Variants in CFAP299 observed in about 807,000 individuals in gnomAD.
The protein encoded by CFAP299 is cilia- and flagella-associated protein 299.
CFAP299 carries 21 observed loss-of-function variants against 27.0 expected under a neutral mutation model. That is an observed-to-expected ratio of 0.78 (90% CI 0.55 to 1.12). The LOEUF (loss-of-function observed/expected upper bound fraction) is 1.12. Ranked by LOEUF, CFAP299 falls within the 50% of genes most tolerant of loss-of-function variation. The probability of loss-of-function intolerance (pLI) is 0.00; values close to 1 mark genes in which losing one functional copy is unlikely to be tolerated. For missense variants in CFAP299, 310 were observed against 276.6 expected (o/e 1.12, Z -0.86); for synonymous variants, 104 against 98.1 (o/e 1.06, Z -0.36).
At chr4:80,379,767 T>C (rs1371146329) in intron 2 of CFAP299, among the ~76,000 whole-genome samples, 1 of 152,222 alleles carries the variant, frequency 6.6e-6, no homozygotes, top group East Asian at 1.9e-4. Flanking sequence ...TTTTATATTC[T>C]TTATGATTTA....
chr4:80,547,715 G>A (rs1266150393), intron 2 of CFAP299, among the ~76,000 whole-genome samples: 1 of 151,974 alleles, frequency 6.6e-6, no homozygotes, highest in Non-Finnish European at 1.5e-5. Context: ...AATGGGCTAA[G>A]GACATGAACA....
chr4:80,543,315 C>T (rs553568016), intron 2 of CFAP299, among the ~76,000 whole-genome samples: 118 of 152,324 alleles, frequency 7.7e-4, no homozygotes, highest in Non-Finnish European at 1.5e-3. Flanking sequence ...TTTCTTACCT[C>T]CTAATGATTA....
At chr4:80,435,521 G>A (rs1728024169) in intron 2 of CFAP299, among the ~76,000 whole-genome samples, 1 of 152,156 alleles carries the variant, frequency 6.6e-6, no homozygotes, top group Admixed American at 6.5e-5. Context: ...CAACCCCTAA[G>A]GAAATCTCTG....
At chr4:80,948,190 A>C (rs1271632379) in intron 5 of CFAP299, among the ~76,000 whole-genome samples, 14 of 152,182 alleles carry the variant, frequency 9.2e-5, no homozygotes, top group Admixed American at 6.5e-5. Context: ...ACAGATGTGG[A>C]CTCATTAATT....
chr4:80,510,384 A>AT (rs1381872677), intron 2 of CFAP299, among the ~76,000 whole-genome samples: 1 of 152,140 alleles, frequency 6.6e-6, no homozygotes, highest in African/African-American at 2.4e-5. Flanking sequence ...TCTCCAGAGA[A>AT]TTGTGGTGTT....
chr4:80,542,627 T>A (rs1470193196), intron 2 of CFAP299, among the ~76,000 whole-genome samples: 1 of 152,080 alleles, frequency 6.6e-6, no homozygotes, highest in East Asian at 1.9e-4. Flanking sequence ...GCAAGTCTGA[T>A]CTGCACTCCC....
At chr4:80,701,393 A>G (rs1478463262) in intron 3 of CFAP299, among the ~76,000 whole-genome samples, 1 of 152,106 alleles carries the variant, frequency 6.6e-6, no homozygotes, top group African/African-American at 2.4e-5. Context: ...TTAATTACTT[A>G]CTTTTTCAAA....
chr4:80,502,142 G>T (rs905412750), intron 2 of CFAP299, among the ~76,000 whole-genome samples: 1 of 152,030 alleles, frequency 6.6e-6, no homozygotes, highest in Non-Finnish European at 1.5e-5. Flanking sequence ...GACCACTGTG[G>T]ATCAGAATCT....
At chr4:80,487,291 G>A (rs1319830561) in intron 2 of CFAP299, among the ~76,000 whole-genome samples, 1 of 152,120 alleles carries the variant, frequency 6.6e-6, no homozygotes, top group Non-Finnish European at 1.5e-5. Context: ...TACTCTCCAA[G>A]TATGTAGCAC....
At chr4:80,678,383 G>T (rs547779188) in intron 3 of CFAP299, among the ~76,000 whole-genome samples, 8 of 152,076 alleles carry the variant, frequency 5.3e-5, no homozygotes, top group African/African-American at 1.9e-4. Flanking sequence ...TCACAAACTA[G>T]CTTCCTAGTT....
At chr4:80,585,303 G>C (rs1736378180) in intron 3 of CFAP299, among the ~76,000 whole-genome samples, 1 of 152,100 alleles carries the variant, frequency 6.6e-6, no homozygotes, top group Non-Finnish European at 1.5e-5. Context: ...GTTTGATTTT[G>C]AACATACTGA....
chr4:80,701,378 C>T (rs1417790239), intron 3 of CFAP299, among the ~76,000 whole-genome samples: 2 of 152,020 alleles, frequency 1.3e-5, no homozygotes, highest in African/African-American at 4.8e-5. Context: ...AATCATCAAA[C>T]AAGTTTAATT....
At chr4:80,881,736 A>AT (rs1401609097) in intron 4 of CFAP299, among the ~76,000 whole-genome samples, 8 of 152,326 alleles carry the variant, frequency 5.3e-5, no homozygotes, top group Non-Finnish European at 8.8e-5. Flanking sequence ...TAAGAAAACA[A>AT]TTTTTTAGTA....
intron 3 of CFAP299, among the ~76,000 whole-genome samples, chr4:80,740,140 C>T (rs1724171094): frequency 6.6e-6 from 1 of 152,320 alleles, no homozygotes; most frequent in South Asian, 2.1e-4. Context: ...AACTCCATTT[C>T]TCCAAGATTG....
At chr4:80,623,452 G>A (rs1426341350) in intron 3 of CFAP299, among the ~76,000 whole-genome samples, 1 of 152,128 alleles carries the variant, frequency 6.6e-6, no homozygotes, top group East Asian at 1.9e-4. Flanking sequence ...CGATGGCAAA[G>A]TAGAACTCTT....
intron 3 of CFAP299, among the ~76,000 whole-genome samples, chr4:80,844,397 A>G (rs555094480): frequency 1.1e-3 from 170 of 152,250 alleles, no homozygotes; most frequent in Middle Eastern, 6.8e-3. Context: ...CTATTTTTCC[A>G]CATCCTCTCC....
At chr4:80,962,088 GC>G (rs1265826639) in intron 5 of CFAP299, among the ~76,000 whole-genome samples, 1 of 151,972 alleles carries the variant, frequency 6.6e-6, no homozygotes, top group Non-Finnish European at 1.5e-5. Context: ...CTGGGCTTAA[GC>G]CCCCAGGGGT....
intron 4 of CFAP299, among the ~76,000 whole-genome samples, chr4:80,937,394 C>G (rs532244335): frequency 1.8e-4 from 24 of 135,080 alleles, no homozygotes; most frequent in African/African-American, 3.9e-4. Flanking sequence ...ACACCTCACT[C>G]TAGCATCAAT....
intron 3 of CFAP299, among the ~76,000 whole-genome samples, chr4:80,763,333 A>G (rs985442716): frequency 1.3e-5 from 2 of 152,210 alleles, no homozygotes; most frequent in Admixed American, 6.5e-5. Context: ...GAGCCAAATC[A>G]TGAGTGAACT....
Sources: gnomAD v4.1 joint callset for allele counts (sites outside exome capture counted in the v4.1 genomes callset) on GRCh38, gnomAD v4.1.1 for gene constraint, MANE v1.5 for transcripts, NCBI Gene and HGNC (gene_info 2026-07-23, HGNC 2026-07-21) for gene names.